The following CNTNAP2 variants were observed in gnomAD, a reference collection of about 807,000 sequenced individuals.
CNTNAP2 encodes contactin-associated protein-like 2.
Under a neutral mutation model 155.2 loss-of-function variants are expected in CNTNAP2, and 98 were observed. The observed-to-expected ratio is 0.63, with a 90% CI of 0.54 to 0.75. CNTNAP2 has a LOEUF of 0.75. Ranked by LOEUF, CNTNAP2 falls within the 30% of genes least tolerant of loss-of-function variation. The pLI is 0.00. For synonymous variants in CNTNAP2, 651 were observed against 631.2 expected (o/e 1.03, Z -0.47); for missense variants, 1,727 against 1,688.1 (o/e 1.02, Z -0.40).
intron 21 of CNTNAP2, chr7:148,381,709 GT>G (rs1799062428): frequency 6.6e-6 from 1 of 152,262 alleles, no homozygotes. Context: ...TTGGGCTGCA[GT>G]TTCTGGCTTG....
intron 13 of CNTNAP2, chr7:147,672,816 T>A (rs1584891976): frequency 1.3e-5 from 2 of 152,322 alleles, no homozygotes; most frequent in East Asian, 3.9e-4. Flanking sequence ...CACTGATTTT[T>A]TTTTTATTTG....
chr7:147,532,736 C>G (rs994081821), intron 11 of CNTNAP2, among the ~76,000 whole-genome samples: 1 of 152,130 alleles, frequency 6.6e-6, no homozygotes, highest in East Asian at 1.9e-4. Flanking sequence ...ACACTTCTTA[C>G]GTGGCAGCAG....
chr7:146,830,915 C>T (rs530150853), intron 2 of CNTNAP2, among the ~76,000 whole-genome samples: 31 of 152,260 alleles, frequency 2.0e-4, no homozygotes, highest in Non-Finnish European at 1.6e-4. Context: ...CATTAATCAA[C>T]GTATTTGGGG....
At chr7:146,483,232 C>T (rs1204988472) in intron 1 of CNTNAP2, among the ~76,000 whole-genome samples, 8 of 140,522 alleles carry the variant, frequency 5.7e-5, no homozygotes, top group East Asian at 2.2e-4. Flanking sequence ...GCCAAGATCG[C>T]GCCACTGCAC....
intron 1 of CNTNAP2, among the ~76,000 whole-genome samples, chr7:146,189,510 G>A (rs142219068): frequency 1.3e-5 from 2 of 152,280 alleles, no homozygotes; most frequent in East Asian, 3.9e-4. Flanking sequence ...AGTATTAGTA[G>A]TTTAAGACTA....
At chr7:146,559,104 C>G (rs1798242712) in intron 1 of CNTNAP2, among the ~76,000 whole-genome samples, 1 of 152,040 alleles carries the variant, frequency 6.6e-6, no homozygotes, top group African/African-American at 2.4e-5. Context: ...TACTGCACAG[C>G]AGGATGACTA....
At chr7:146,300,649 C>T (rs1027261715) in intron 1 of CNTNAP2, among the ~76,000 whole-genome samples, 3 of 152,094 alleles carry the variant, frequency 2.0e-5, no homozygotes, top group Admixed American at 6.5e-5. Context: ...TTCAAGTTAT[C>T]GAAAATCAAC....
chr7:147,869,456 G>T lies in CNTNAP2; in HGVS notation c.2099-34109G>T, dbSNP rs368183697. On this transcript the variant is annotated intron_variant, in intron 13 of 23. Coordinates refer to ENST00000361727, the MANE Select transcript of CNTNAP2 (RefSeq NM_014141.6). Reference sequence around the variant, plus strand: ...GTGTTAAGAGAATGAGAATTTCAAAGTACAACTACTGAAAAAGCCAAATTT... The same window carrying T: ...GTGTTAAGAGAATGAGAATTTCAAATTACAACTACTGAAAAAGCCAAATTT... 3.2e-4 allele frequency among the ~76,000 whole-genome samples: 49 copies of T among 152,268 alleles called. 1 individual carries two copies. Among genetic ancestry groups the T allele is most frequent in the African/African-American group, 1.0e-3 (42 of 41,558 alleles).
chr7:148,098,589 A>G (rs914053471), intron 15 of CNTNAP2, among the ~76,000 whole-genome samples: 3 of 152,092 alleles, frequency 2.0e-5, no homozygotes, highest in Admixed American at 6.6e-5. Context: ...TCATAGTTCC[A>G]GCAACTCAGG....
chr7:147,405,222 T>G (rs777314742), intron 10 of CNTNAP2, among the ~76,000 whole-genome samples: 8 of 152,218 alleles, frequency 5.3e-5, no homozygotes, highest in Non-Finnish European at 1.2e-4. Flanking sequence ...GAGATTTAAA[T>G]AAGCCAATCG....
chr7:147,630,911 A>G (rs1795076158), intron 12 of CNTNAP2, among the ~76,000 whole-genome samples: 1 of 152,164 alleles, frequency 6.6e-6, no homozygotes, highest in Non-Finnish European at 1.5e-5. Context: ...GAGAACTGGA[A>G]CAAGAGAAGG....
At chr7:146,940,976 T>C (rs1034177849) in intron 3 of CNTNAP2, among the ~76,000 whole-genome samples, 2 of 152,172 alleles carry the variant, frequency 1.3e-5, no homozygotes, top group Admixed American at 6.5e-5. Context: ...ATTCTAGCTA[T>C]TCTTGCTCTT....
intron 1 of CNTNAP2, among the ~76,000 whole-genome samples, chr7:146,329,599 T>C (rs190965030): frequency 5.9e-5 from 9 of 152,348 alleles, no homozygotes; most frequent in Non-Finnish European, 4.4e-5. Context: ...ATATTGCCAG[T>C]CACTTTCACT....
intron 1 of CNTNAP2, among the ~76,000 whole-genome samples, chr7:146,253,090 C>T (rs963209588): frequency 6.6e-6 from 1 of 152,136 alleles, no homozygotes; most frequent in African/African-American, 2.4e-5. Context: ...AAAAATGGTG[C>T]AATACTGTGT....
intron 1 of CNTNAP2, among the ~76,000 whole-genome samples, chr7:146,387,083 C>T (rs1584900939): frequency 1.3e-5 from 2 of 152,126 alleles, no homozygotes; most frequent in African/African-American, 4.8e-5. Context: ...AGTCAAGCCT[C>T]GTTTAGGAAA....
intron 21 of CNTNAP2, among the ~76,000 whole-genome samples, chr7:148,331,063 G>C (rs1797993306): frequency 6.6e-6 from 1 of 151,220 alleles, no homozygotes; most frequent in Non-Finnish European, 1.5e-5. Flanking sequence ...GGGATGGATG[G>C]AGTGGATGGA....
intron 3 of CNTNAP2, among the ~76,000 whole-genome samples, chr7:146,955,814 T>C (rs1347143004): frequency 2.0e-5 from 3 of 152,044 alleles, no homozygotes; most frequent in South Asian, 2.1e-4. Flanking sequence ...CAGTGTCGAA[T>C]ATAAGAGATA....
intron 1 of CNTNAP2, among the ~76,000 whole-genome samples, chr7:146,194,410 C>T (rs757376329): frequency 3.3e-5 from 5 of 152,142 alleles, no homozygotes; most frequent in Non-Finnish European, 5.9e-5. Context: ...GGCAAGAGAA[C>T]GTTTGCAGGG....
At chr7:147,031,775 G>A (rs542874613) in intron 3 of CNTNAP2, among the ~76,000 whole-genome samples, 4 of 152,114 alleles carry the variant, frequency 2.6e-5, no homozygotes, top group East Asian at 1.9e-4. Flanking sequence ...AAAATTAGCC[G>A]GGCGTGGTGG....
Sources: gnomAD v4.1 joint callset for allele counts (sites outside exome capture counted in the v4.1 genomes callset) on GRCh38, gnomAD v4.1.1 for gene constraint, MANE v1.5 for transcripts, NCBI Gene and HGNC (gene_info 2026-07-23, HGNC 2026-07-21) for gene names.